Variants in C5orf63 observed in about 807,000 individuals in gnomAD.
C5orf63 encodes glutaredoxin-like protein C5orf63.
Under a neutral mutation model 13.3 loss-of-function variants are expected in C5orf63, and 18 were observed. That is an observed-to-expected ratio of 1.36 (90% confidence interval 0.94 to 2.01). The LOEUF is 2.01. Among genes scored for constraint, C5orf63 ranks in the 30% most tolerant of loss-of-function variants. The probability of loss-of-function intolerance (pLI) is 0.00; values close to 1 mark genes in which losing one functional copy is unlikely to be tolerated. For synonymous variants in C5orf63, 38 were observed against 44.7 expected (o/e 0.85, Z 0.60); for missense variants, 118 against 127.7 (o/e 0.92, Z 0.36).
intron 2 of C5orf63, among the ~76,000 whole-genome samples, chr5:127,063,016 A>G (rs951004883): frequency 8.5e-5 from 13 of 152,186 alleles, no homozygotes; most frequent in African/African-American, 3.1e-4. Context: ...TTAAAAAAAA[A>G]AAAGCAAAAA....
chr5:127,057,567 A>T (rs1753933771), intron 3 of C5orf63, among the ~76,000 whole-genome samples: 1 of 152,234 alleles, frequency 6.6e-6, no homozygotes, highest in Admixed American at 6.5e-5. Context: ...TTATTTATGG[A>T]TTCCATATTT....
chr5:127,065,731 A>C (rs1180018955), intron 2 of C5orf63, among the ~76,000 whole-genome samples: 1 of 152,210 alleles, frequency 6.6e-6, no homozygotes, highest in Non-Finnish European at 1.5e-5. Flanking sequence ...TGAAAGATTA[A>C]TCTGGCAGCA....
At chr5:127,072,358 C>T (rs1179003490) in intron 1 of C5orf63, among the ~76,000 whole-genome samples, 3 of 152,144 alleles carry the variant, frequency 2.0e-5, no homozygotes, top group African/African-American at 7.2e-5. Flanking sequence ...ATAATGCACC[C>T]CAATGTATAC....
At chr5:127,063,361 T>C (rs1754182284) in intron 2 of C5orf63, among the ~76,000 whole-genome samples, 1 of 152,150 alleles carries the variant, frequency 6.6e-6, no homozygotes, top group African/African-American at 2.4e-5. Context: ...GTCGTTTGAG[T>C]CTTTATTAAA....
chr5:127,067,140 G>T (rs1456926601), intron 2 of C5orf63, among the ~76,000 whole-genome samples: 3 of 152,122 alleles, frequency 2.0e-5, no homozygotes, highest in Non-Finnish European at 4.4e-5. Context: ...AGATCTTTCT[G>T]GTGAAGATGG....
intron 3 of C5orf63, among the ~76,000 whole-genome samples, chr5:127,053,278 A>G (rs1438079329): frequency 6.6e-6 from 1 of 152,204 alleles, no homozygotes; most frequent in Non-Finnish European, 1.5e-5. Context: ...AGAGCAAACA[A>G]CTTTTAGTGT....
chr5:127,070,687 A>T (rs1243794944), intron 2 of C5orf63, among the ~76,000 whole-genome samples: 1 of 152,218 alleles, frequency 6.6e-6, no homozygotes. Context: ...CTGGTGCCCT[A>T]CATAAGCTAA....
chr5:127,051,177 TTTTTC>T (rs979535420), downstream of C5orf63: 2 of 513,226 alleles, frequency 3.9e-6, no homozygotes, highest in African/African-American at 4.0e-5. Flanking sequence ...GGAGTTTAAG[TTTTTC>T]TTTTGTTTTT....
intron 2 of C5orf63, among the ~76,000 whole-genome samples, chr5:127,069,304 C>T (rs988799701): frequency 9.2e-5 from 14 of 152,164 alleles, no homozygotes; most frequent in Admixed American, 4.6e-4. Context: ...TTCCCTTTGA[C>T]GATATCTCTT....
At chr5:127,061,717 A>G (rs186188093) in intron 2 of C5orf63, among the ~76,000 whole-genome samples, 66 of 152,348 alleles carry the variant, frequency 4.3e-4, no homozygotes, top group African/African-American at 1.6e-3. Context: ...AAAAATGGGG[A>G]GGAGGTACAG....
At chr5:127,058,826 T>G in intron 3 of C5orf63, 56 bp downstream of exon 3, 1 of 1,165,734 alleles carries the variant, frequency 8.6e-7, no homozygotes. Context: ...ACTTTGTCCC[T>G]TTTTCTTAAA....
intron 3 of C5orf63, among the ~76,000 whole-genome samples, chr5:127,055,070 G>T (rs947103962): frequency 1.3e-5 from 2 of 151,958 alleles, no homozygotes; most frequent in African/African-American, 4.8e-5. Flanking sequence ...TATTTCTGAG[G>T]GCTCTGTTCT....
intron 2 of C5orf63, among the ~76,000 whole-genome samples, chr5:127,068,814 C>T (rs1580535846): frequency 6.6e-6 from 1 of 152,122 alleles, no homozygotes. Flanking sequence ...TTTCCAAACA[C>T]TCAGCTAAGA....
intron 3 of C5orf63, among the ~76,000 whole-genome samples, chr5:127,053,411 C>G (rs990545969): frequency 2.0e-5 from 3 of 151,320 alleles, no homozygotes; most frequent in Non-Finnish European, 4.4e-5. Flanking sequence ...TGTTATTATA[C>G]TTTTATTATA....
chr5:127,062,797 A>G (rs1288307420), intron 2 of C5orf63, among the ~76,000 whole-genome samples: 1 of 152,158 alleles, frequency 6.6e-6, no homozygotes, highest in African/African-American at 2.4e-5. Flanking sequence ...AATATCCTGA[A>G]ACATGGTCTC....
chr5:127,073,350 T>C (rs527448315), intron 1 of C5orf63, 101 bp downstream of exon 1: 2 of 152,336 alleles, frequency 1.3e-5, no homozygotes, highest in East Asian at 3.9e-4. Context: ...ACTATCCAAA[T>C]GGGCAGCACG....
At chr5:127,070,146 C>T (rs1190784525) in intron 2 of C5orf63, among the ~76,000 whole-genome samples, 1 of 152,076 alleles carries the variant, frequency 6.6e-6, no homozygotes, top group Admixed American at 6.6e-5. Flanking sequence ...ATTCTTTTAC[C>T]ATAAGAATTA....
chr5:127,071,534 G>C (rs1426957692), intron 2 of C5orf63, 50 bp downstream of exon 2: 1 of 152,136 alleles, frequency 6.6e-6, no homozygotes, highest in Non-Finnish European at 1.5e-5. Flanking sequence ...GCAATACTAG[G>C]GGAAGGATAG....
chr5:127,057,953 T>A (rs1197358119), intron 3 of C5orf63, among the ~76,000 whole-genome samples: 1 of 152,202 alleles, frequency 6.6e-6, no homozygotes, highest in Non-Finnish European at 1.5e-5. Context: ...TAAGCTTCAT[T>A]TAGGCATGAG....
Sources: allele counts gnomAD v4.1 joint callset (sites outside exome capture counted in the v4.1 genomes callset), GRCh38; gene constraint gnomAD v4.1.1; transcripts MANE v1.5; gene names NCBI Gene and HGNC (gene_info 2026-07-23, HGNC 2026-07-21).